The following ZFHX3 variants were observed in gnomAD, a reference collection of about 807,000 sequenced individuals.
The protein encoded by ZFHX3 is zinc finger homeobox 3.
ZFHX3 carries 42 observed loss-of-function variants against 279.1 expected under a neutral mutation model. That is an observed-to-expected ratio of 0.15 (90% CI 0.12 to 0.19). The LOEUF (loss-of-function observed/expected upper bound fraction) is 0.19, where lower values mean the gene tolerates loss of function less well. Ranked by LOEUF, ZFHX3 falls within the 10% of genes least tolerant of loss-of-function variation. The probability of loss-of-function intolerance (pLI) is 1.00; values close to 1 mark genes in which losing one functional copy is unlikely to be tolerated. For synonymous variants in ZFHX3, 2,293 were observed against 1,957.8 expected (o/e 1.17, Z -4.52); for missense variants, 4,981 against 4,754.0 (o/e 1.05, Z -1.40).
At chr16:72,902,144 C>T (rs981475553) in intron 3 of ZFHX3, among the ~76,000 whole-genome samples, 1 of 152,182 alleles carries the variant, frequency 6.6e-6, no homozygotes, top group African/African-American at 2.4e-5. Flanking sequence ...TAGAGGCAAT[C>T]GTTTTCAACC....
chr16:72,826,692 C>T (rs2036939872), intron 5 of ZFHX3, among the ~76,000 whole-genome samples: 1 of 152,140 alleles, frequency 6.6e-6, no homozygotes, highest in African/African-American at 2.4e-5. Context: ...AGAATTTTCC[C>T]TTCTCTCTTT....
intron 7 of ZFHX3, among the ~76,000 whole-genome samples, chr16:73,111,261 T>C (rs1030264669): frequency 6.6e-6 from 1 of 152,158 alleles, no homozygotes; most frequent in African/African-American, 2.4e-5. Flanking sequence ...TATTATCCTA[T>C]TCGATTCTGC....
intron 9 of ZFHX3, chr16:72,791,401 C>T (rs941467128): frequency 1.3e-5 from 2 of 152,150 alleles, no homozygotes; most frequent in Admixed American, 6.5e-5. Flanking sequence ...CTTTCTATCT[C>T]GAGTCCACTC....
intron 1 of ZFHX3, among the ~76,000 whole-genome samples, chr16:73,775,394 C>T (rs530657848): frequency 6.6e-6 from 1 of 152,256 alleles, no homozygotes; most frequent in East Asian, 1.9e-4. Context: ...TTAACCCCAC[C>T]TCCCTCAGCT....
chr16:73,618,143 G>A (rs977548746), intron 2 of ZFHX3, among the ~76,000 whole-genome samples: 4 of 152,184 alleles, frequency 2.6e-5, no homozygotes, highest in Non-Finnish European at 5.9e-5. Context: ...TAGTCCAGCC[G>A]ATAATGATCA....
intron 2 of ZFHX3, among the ~76,000 whole-genome samples, chr16:73,586,875 T>G (rs920205842): frequency 2.0e-5 from 3 of 152,238 alleles, no homozygotes; most frequent in Non-Finnish European, 4.4e-5. Flanking sequence ...TATTCTATTA[T>G]AGTCTGTTTA....
At chr16:73,278,075 C>G (rs2014349548) in intron 4 of ZFHX3, among the ~76,000 whole-genome samples, 1 of 152,158 alleles carries the variant, frequency 6.6e-6, no homozygotes, top group South Asian at 2.1e-4. Flanking sequence ...TCAGTGAGGA[C>G]ACAGATCTAA....
intron 1 of ZFHX3, among the ~76,000 whole-genome samples, chr16:72,974,587 ACACACAC>A (rs1395642935): frequency 2.6e-5 from 4 of 151,912 alleles, no homozygotes; most frequent in African/African-American, 9.7e-5. Flanking sequence ...ACACACACAC[ACACACAC>A]ACACACACAG....
intron 1 of ZFHX3, among the ~76,000 whole-genome samples, chr16:73,025,007 C>G (rs998594363): frequency 6.6e-6 from 1 of 152,150 alleles, no homozygotes; most frequent in African/African-American, 2.4e-5. Context: ...ATTCCTCAGC[C>G]CTCTCCCACA....
chr16:73,759,178 A>G (rs890189444), intron 1 of ZFHX3, among the ~76,000 whole-genome samples: 1 of 152,250 alleles, frequency 6.6e-6, no homozygotes, highest in Non-Finnish European at 1.5e-5. Flanking sequence ...AGTCTAGGGT[A>G]GGTGTAGTGG....
intron 2 of ZFHX3, among the ~76,000 whole-genome samples, chr16:73,611,377 G>A (rs2052244532): frequency 6.6e-6 from 1 of 152,114 alleles, no homozygotes; most frequent in South Asian, 2.1e-4. Flanking sequence ...CACCGTAGAT[G>A]ATTTGGGGGA....
intron 4 of ZFHX3, among the ~76,000 whole-genome samples, chr16:72,867,494 C>A (rs978953420): frequency 3.3e-5 from 5 of 152,200 alleles, no homozygotes; most frequent in African/African-American, 1.2e-4. Context: ...ATACCAAAAT[C>A]TAAGACTGTA....
chr16:73,110,196 T>C (rs1232389000), intron 7 of ZFHX3, among the ~76,000 whole-genome samples: 1 of 151,148 alleles, frequency 6.6e-6, no homozygotes, highest in African/African-American at 2.4e-5. Context: ...AGAGCGAGAC[T>C]GTCTCAAAAA....
intron 4 of ZFHX3, among the ~76,000 whole-genome samples, chr16:73,303,972 A>G (rs1456823414): frequency 3.2e-5 from 4 of 123,586 alleles, no homozygotes; most frequent in African/African-American, 1.3e-4. Context: ...GGAAAAAAAA[A>G]AAAAAAAAAA....
chr16:73,167,505 A>G (rs1488565186), intron 5 of ZFHX3, among the ~76,000 whole-genome samples: 2 of 152,188 alleles, frequency 1.3e-5, no homozygotes, highest in Admixed American at 6.5e-5. Context: ...TGATATTTTA[A>G]CTGTTTCAGT....
chr16:73,128,254 C>T (rs187372403), intron 7 of ZFHX3, among the ~76,000 whole-genome samples: 2 of 152,206 alleles, frequency 1.3e-5, no homozygotes, highest in East Asian at 3.9e-4. Context: ...TTAATCCACC[C>T]AAATCTTGTT....
chr16:73,508,579 C>T (rs910017811), intron 2 of ZFHX3, among the ~76,000 whole-genome samples: 4 of 152,134 alleles, frequency 2.6e-5, no homozygotes, highest in Non-Finnish European at 5.9e-5. Context: ...TCACATGGAA[C>T]CAGTTAGGGA....
At chr16:72,815,083 G>A (rs545147484) in intron 5 of ZFHX3, among the ~76,000 whole-genome samples, 4 of 152,074 alleles carry the variant, frequency 2.6e-5, no homozygotes, top group Non-Finnish European at 5.9e-5. Context: ...TACCAAAGTC[G>A]TTACACCATT....
chr16:73,573,170 A>C lies in ZFHX3; in HGVS notation c.-1547+107010T>G, dbSNP rs117315696. ...TGCATTTTATGCACTGCTATTCTGC[A>C]ATGATATTTAACCTGCCGCAGGCGC... is the stretch of plus-strand genomic sequence containing the variant. On this transcript the variant is annotated intron_variant, in intron 2 of 17. Coordinates refer to the ZFHX3 transcript ENST00000641206. 1.4e-3 allele frequency among the ~76,000 whole-genome samples: 211 copies of C among 152,302 alleles called. 3 individuals are homozygous for C. Among genetic ancestry groups the C allele is most frequent in the East Asian group, 9.7e-3 (50 of 5,180 alleles).
Sources: gnomAD v4.1 joint callset for allele counts (sites outside exome capture counted in the v4.1 genomes callset) on GRCh38, gnomAD v4.1.1 for gene constraint, MANE v1.5 for transcripts, NCBI Gene and HGNC (gene_info 2026-07-23, HGNC 2026-07-21) for gene names.